Variants in PHF20 observed in about 807,000 individuals in gnomAD.
PHF20 encodes glioma-expressed antigen 2.
A neutral mutation model predicts 113.5 loss-of-function variants in PHF20; 23 were observed. That is an observed-to-expected ratio of 0.20 (90% CI 0.15 to 0.29). The LOEUF is 0.29. PHF20 is among the 10% of genes least tolerant of loss of function. PHF20 has a pLI of 1.00. For synonymous variants in PHF20, 434 were observed against 457.3 expected (o/e 0.95, Z 0.65); for missense variants, 943 against 1,219.6 (o/e 0.77, Z 3.38).
At chr20:35,796,312 T>C (rs562558145) in intron 1 of PHF20, among the ~76,000 whole-genome samples, 1 of 152,250 alleles carries the variant, frequency 6.6e-6, no homozygotes, top group South Asian at 2.1e-4. Flanking sequence ...CCTACTGTAA[T>C]GAATTTTGAT....
rs113716464 is a variant in PHF20, at chr20:35,779,080, G to T, written c.-33+7001G>T. On this transcript the variant is annotated intron_variant, in intron 1 of 17. Transcript: ENST00000374012. ...AGGTGGAGTCTCACTTCGTTGCCCA[G>T]GCTAGAGTACAATGGTGCAATCTCG... Among the ~76,000 whole-genome samples, 28 of 151,684 alleles carry T rather than the reference G, an allele frequency of 1.8e-4. No individual in the cohort carries two copies. The South Asian group carries it at 5.8e-3, about 32-fold the overall frequency.
At chr20:35,908,545 G>A (rs1420122999) in intron 10 of PHF20, among the ~76,000 whole-genome samples, 1 of 152,190 alleles carries the variant, frequency 6.6e-6, no homozygotes, top group Non-Finnish European at 1.5e-5. Flanking sequence ...TTAGTTGGAG[G>A]TCACTAAAAC....
chr20:35,828,270 C>T (rs780321556), intron 2 of PHF20, among the ~76,000 whole-genome samples: 2 of 152,116 alleles, frequency 1.3e-5, no homozygotes, highest in Non-Finnish European at 2.9e-5. Flanking sequence ...GTGATCCGCC[C>T]GCCTTGGCTT....
intron 1 of PHF20, among the ~76,000 whole-genome samples, chr20:35,787,791 T>G (rs539594740): frequency 6.6e-6 from 1 of 151,602 alleles, no homozygotes; most frequent in African/African-American, 2.4e-5. Flanking sequence ...TTTTTATTTT[T>G]ACTTTTTGAG....
intron 17 of PHF20, among the ~76,000 whole-genome samples, chr20:35,946,034 G>A (rs1005334975): frequency 6.6e-6 from 1 of 152,054 alleles, no homozygotes; most frequent in Non-Finnish European, 1.5e-5. Flanking sequence ...AGCCAGGCGT[G>A]GTGGTGTGTG....
chr20:35,937,010 G>A (rs1428640533), intron 15 of PHF20, among the ~76,000 whole-genome samples: 1 of 152,150 alleles, frequency 6.6e-6, no homozygotes, highest in East Asian at 1.9e-4. Flanking sequence ...ATTTTAGGGA[G>A]ACATAAGACA....
chr20:35,816,078 T>C (rs1008685062), intron 2 of PHF20, among the ~76,000 whole-genome samples: 3 of 152,164 alleles, frequency 2.0e-5, no homozygotes, highest in African/African-American at 7.2e-5. Context: ...TGCCTCAGTC[T>C]CCTGAGTAGC....
At chr20:35,937,870 G>T (rs2055895089) in intron 15 of PHF20, among the ~76,000 whole-genome samples, 1 of 151,876 alleles carries the variant, frequency 6.6e-6, no homozygotes, top group African/African-American at 2.4e-5. Context: ...TGTTGTTGTT[G>T]TTTTGTTTTG....
At chr20:35,892,086 C>G (rs2054881287) in intron 9 of PHF20, among the ~76,000 whole-genome samples, 1 of 151,060 alleles carries the variant, frequency 6.6e-6, no homozygotes. Context: ...GGGGGACAGT[C>G]TCGTTCTTTC....
rs954417364 is a variant in PHF20 at position 35,786,988 on chromosome 20, GT to G, written c.-32-14485del. Among the ~76,000 whole-genome samples the G allele has an allele frequency of 7.1e-3, 909 of 128,600 alleles. 2 individuals carry two copies. Among genetic ancestry groups the G allele is most frequent in the African/African-American group, 0.021 (751 of 35,000 alleles). 84.4% of individuals were successfully genotyped at this position (128,600 alleles called of 152,430 possible). A position where few individuals can be genotyped will look rare whatever the true frequency, so the allele number is the denominator to read the frequency against. ...GGTGGATGATATTGATCTCTTTCCT[GT>G]TTTTTTTTTTTTTTTTTGGAGACAG... On this transcript the variant is annotated intron_variant, in intron 1 of 17. Coordinates refer to ENST00000374012, the MANE Select transcript of PHF20 (RefSeq NM_016436.5).
chr20:35,809,847 C>T (rs1019328121), intron 2 of PHF20, among the ~76,000 whole-genome samples: 2 of 152,124 alleles, frequency 1.3e-5, no homozygotes, highest in African/African-American at 4.8e-5. Context: ...TGCTGATAGC[C>T]GCAGGTGGCA....
intron 2 of PHF20, among the ~76,000 whole-genome samples, chr20:35,827,293 A>G (rs1026346916): frequency 2.0e-5 from 3 of 152,222 alleles, no homozygotes; most frequent in Non-Finnish European, 2.9e-5. Context: ...AAGTAAAATG[A>G]GTGCTGTATG....
At chr20:35,793,912 C>G (rs2041610617) in intron 1 of PHF20, among the ~76,000 whole-genome samples, 1 of 145,176 alleles carries the variant, frequency 6.9e-6, no homozygotes, top group Non-Finnish European at 1.5e-5. Context: ...GCAGGAGATG[C>G]TTGAACCTGG....
chr20:35,913,194 C>T lies in PHF20; in HGVS notation c.1562-55C>T, dbSNP rs2055339608. The T allele has an allele frequency of 3.4e-6, 4 of 1,191,154 alleles. No homozygotes were observed. In the Admixed American group the frequency reaches 5.7e-5, roughly 17 times the overall value. 73.8% of individuals were successfully genotyped at this position (1,191,154 alleles called of 1,614,324 possible). The stretch of plus-strand genomic sequence containing the variant: ...CATGCTTGCTTAGGAGAAGAATAAG[C>T]ACCCCAGCATTGAAAACAAAATGTT... On this transcript the variant is annotated intron_variant, in intron 10 of 17. Coordinates refer to ENST00000374012, the MANE Select transcript of PHF20 (RefSeq NM_016436.5).
chr20:35,906,405 C>CTCAG (rs1390852418), intron 10 of PHF20, among the ~76,000 whole-genome samples: 3 of 152,348 alleles, frequency 2.0e-5, no homozygotes, highest in African/African-American at 7.2e-5. Flanking sequence ...GGTGGCTGTG[C>CTCAG]TCAGGCTCTG....
At chr20:35,855,841 T>A (rs1375192630) in intron 4 of PHF20, among the ~76,000 whole-genome samples, 2 of 152,052 alleles carry the variant, frequency 1.3e-5, no homozygotes, top group Non-Finnish European at 2.9e-5. Flanking sequence ...ACCTGGCTAA[T>A]GTTTTTTGCA....
At chr20:35,796,627 T>A (rs1206943090) in intron 1 of PHF20, among the ~76,000 whole-genome samples, 1 of 152,212 alleles carries the variant, frequency 6.6e-6, no homozygotes, top group East Asian at 1.9e-4. Context: ...TTCTGCTTGT[T>A]ATATAATGGT....
At chr20:35,892,444 G>C (rs899927453) in intron 9 of PHF20, among the ~76,000 whole-genome samples, 2 of 149,750 alleles carry the variant, frequency 1.3e-5, no homozygotes, top group Non-Finnish European at 3.0e-5. Flanking sequence ...CCTGACCTCA[G>C]GTGCTCCACC....
chr20:35,789,480 C>T (rs972031170), intron 1 of PHF20, among the ~76,000 whole-genome samples: 4 of 151,158 alleles, frequency 2.6e-5, no homozygotes, highest in East Asian at 1.9e-4. Flanking sequence ...CCCTGGAGGT[C>T]GGAACTGCAG....
Sources: gnomAD v4.1 joint callset for allele counts (sites outside exome capture counted in the v4.1 genomes callset) on GRCh38, gnomAD v4.1.1 for gene constraint, MANE v1.5 for transcripts, NCBI Gene and HGNC (gene_info 2026-07-23, HGNC 2026-07-21) for gene names.